The following NCOR2 variants were observed in gnomAD, a reference collection of about 807,000 sequenced individuals.
The protein encoded by NCOR2 is CTG repeat protein 26.
A neutral mutation model predicts 262.9 loss-of-function variants in NCOR2; 81 were observed. The ratio of observed to expected loss-of-function variants is 0.31; its 90% confidence interval spans 0.26 to 0.37. NCOR2 has a LOEUF of 0.37. Among genes scored for constraint, NCOR2 ranks in the 10% least tolerant of loss-of-function variants. The pLI, the probability that NCOR2 is intolerant of heterozygous loss-of-function variation, is 1.00. For missense variants in NCOR2, 3,385 were observed against 3,621.4 expected (o/e 0.93, Z 1.68); for synonymous variants, 1,659 against 1,559.3 (o/e 1.06, Z -1.51).
intron 28 of NCOR2, chr12:124,349,068 G>C (rs1272801047): frequency 2.0e-5 from 3 of 152,370 alleles, no homozygotes; most frequent in Non-Finnish European, 2.9e-5. Context: ...GTGCATGTGA[G>C]TGTCCGACCA....
At chr12:124,393,583 T>C (rs975600256) in intron 16 of NCOR2, among the ~76,000 whole-genome samples, 2 of 152,192 alleles carry the variant, frequency 1.3e-5, no homozygotes, top group African/African-American at 2.4e-5. Flanking sequence ...CCTTTGCACA[T>C]GCCTGTCCTG....
At chr12:124,448,041 T>C (rs888376429) in intron 7 of NCOR2, among the ~76,000 whole-genome samples, 1 of 152,260 alleles carries the variant, frequency 6.6e-6, no homozygotes, top group African/African-American at 2.4e-5. Flanking sequence ...CTGTCTCCAC[T>C]GCTAGACAAA....
Position 124,347,744 on chromosome 12 carries a change from C to A in NCOR2, c.4072+81G>T. 9 of 1,410,180 alleles carry A rather than the reference C, an allele frequency of 6.4e-6. No individual in the cohort carries two copies. The South Asian group carries it at 7.6e-5, about 12-fold the overall frequency. The allele number at this position is 1,410,180 out of a possible 1,614,324, so 87.4% of individuals were successfully genotyped here. A position where few individuals can be genotyped will look rare whatever the true frequency, so the allele number is the denominator to read the frequency against. ...ACTTGTCCTGAGTTCCCACCACACT[C>A]TGGCTGTGTCTCTCCCTCCCGCGCC... On this transcript the variant is annotated intron_variant, in intron 30 of 46. Transcript: ENST00000405201.
intron 3 of NCOR2, among the ~76,000 whole-genome samples, chr12:124,474,633 A>G (rs1378970883): frequency 6.6e-6 from 1 of 152,206 alleles, no homozygotes; most frequent in Admixed American, 6.5e-5. Flanking sequence ...CCAGCAGGTC[A>G]TTCAACTGCT....
At position 124,531,193 on chromosome 12, in the gene NCOR2, C is replaced by G. The variant is rs871548; in HGVS notation, c.-118+4372G>C. Among the ~76,000 whole-genome samples, 116,565 of 152,102 alleles carry G rather than the reference C, an allele frequency of 0.77. 45,217 individuals are homozygous for G. Among genetic ancestry groups the G allele is most frequent in the East Asian group, 1 (5,161 of 5,170 alleles). ...GCATCCACCAACTCATGCTGAACAA[C>G]AGTCCAGCCAGAGCCCACCCGTTTA... On this transcript the variant is annotated intron_variant, in intron 1 of 46. Transcript: ENST00000404621. The surrounding 1 kb of genome is among the most constrained non-coding windows in gnomAD (Gnocchi z 4.5).
intron 11 of NCOR2, among the ~76,000 whole-genome samples, chr12:124,424,276 G>C (rs534297365): frequency 6.6e-6 from 1 of 151,958 alleles, no homozygotes; most frequent in Non-Finnish European, 1.5e-5. Context: ...AATCTCAAAC[G>C]CAACAGTAAT....
At chr12:124,394,354 G>A (rs557817974) in intron 16 of NCOR2, among the ~76,000 whole-genome samples, 1 of 152,322 alleles carries the variant, frequency 6.6e-6, no homozygotes, top group South Asian at 2.1e-4. Flanking sequence ...AAAGTGATGG[G>A]GAGGTCGGTA....
chr12:124,420,482 T>C (rs941357399), intron 12 of NCOR2, among the ~76,000 whole-genome samples: 16 of 152,128 alleles, frequency 1.1e-4, no homozygotes, highest in Non-Finnish European at 7.4e-5. Flanking sequence ...GGTTCTCTTT[T>C]CCCTGGCTTC....
At position 124,389,350 on chromosome 12, in the gene NCOR2, C is replaced by T. The variant is rs953664009; in HGVS notation, c.1877-3463G>A. ...AATGTGACCTCCAGACGGAGGCTCGCGGCGGGCGGGCAGGCGGGCGGGGGA... is the reference window on the plus strand; with the variant it reads ...AATGTGACCTCCAGACGGAGGCTCGTGGCGGGCGGGCAGGCGGGCGGGGGA... On this transcript the variant is annotated intron_variant, in intron 16 of 46. Coordinates refer to ENST00000405201, the Ensembl canonical transcript of NCOR2. This position sits in a 1 kb window ranked among gnomAD's most constrained non-coding sequence, Gnocchi z 4.4. Among the ~76,000 whole-genome samples the T allele has an allele frequency of 1.3e-5, 2 of 151,984 alleles. No homozygotes were observed. Among genetic ancestry groups the T allele is most frequent in the Non-Finnish European group, 2.9e-5 (2 of 67,976 alleles).
chr12:124,395,732 G>C (rs929992340), intron 16 of NCOR2, among the ~76,000 whole-genome samples: 1 of 152,198 alleles, frequency 6.6e-6, no homozygotes, highest in African/African-American at 2.4e-5. Context: ...AGGTGGTAGT[G>C]ACAACACGAG....
intron 1 of NCOR2, among the ~76,000 whole-genome samples, chr12:124,527,830 G>T (rs1189978985): frequency 6.6e-6 from 1 of 152,206 alleles, no homozygotes; most frequent in Admixed American, 6.5e-5. Context: ...AGCTCCAGTA[G>T]GTTTACAAAC....
chr12:124,363,686 G>T, exon 21 of NCOR2: 1 of 1,391,464 alleles, frequency 7.2e-7, no homozygotes, highest in Non-Finnish European at 9.4e-7. Context: ...CACGATGGGG[G>T]GGATGGCAGC....
chr12:124,428,586 C>T (rs1254270434), intron 10 of NCOR2, among the ~76,000 whole-genome samples: 3 of 152,292 alleles, frequency 2.0e-5, no homozygotes, highest in African/African-American at 4.8e-5. Flanking sequence ...CGCAGGGCAG[C>T]GCGTTCTGTT....
At chr12:124,554,934 G>A (rs548894559) in intron 1 of NCOR2, among the ~76,000 whole-genome samples, 14 of 152,372 alleles carry the variant, frequency 9.2e-5, no homozygotes, top group African/African-American at 2.2e-4. Context: ...GGGCAGAGAC[G>A]TGGGCTTTGA....
At chr12:124,430,583 C>G in intron 9 of NCOR2, 32 bp downstream of exon 11, 1 of 1,579,574 alleles carries the variant, frequency 6.3e-7, no homozygotes, top group Non-Finnish European at 8.6e-7. Flanking sequence ...CGGGCCCTGA[C>G]GTCGGGGGCC....
Position 124,330,470 on chromosome 12 carries a change from G to A in NCOR2, c.6958+375C>T, listed in dbSNP as rs548735114. ...GAATGAAGCTCTAGCTATAACAAAC[G>A]CCCGAGTGAACTCGGAGGCTTGTGC... On this transcript the variant is annotated intron_variant, in intron 44 of 46. Coordinates refer to ENST00000405201, the Ensembl canonical transcript of NCOR2. 2.6e-5 allele frequency among the ~76,000 whole-genome samples: 4 copies of A among 152,336 alleles called. 1 individual carries two copies. The highest frequency in any genetic ancestry group is 9.6e-5 in the African/African-American group (4 of 41,584).
At chr12:124,542,430 C>G (rs1405859452) in intron 1 of NCOR2, 1 of 152,480 alleles carries the variant, frequency 6.6e-6, no homozygotes, top group Non-Finnish European at 1.5e-5. Context: ...CCCACAGGGC[C>G]CACAGAGATG....
intron 5 of NCOR2, among the ~76,000 whole-genome samples, chr12:124,459,603 T>C (rs1350693325): frequency 2.0e-5 from 3 of 152,054 alleles, no homozygotes; most frequent in Non-Finnish European, 4.4e-5. Flanking sequence ...ACGGCCACAC[T>C]CACCCAGGGT....
At chr12:124,552,563 C>T (rs1280534156) in intron 1 of NCOR2, among the ~76,000 whole-genome samples, 3 of 152,226 alleles carry the variant, frequency 2.0e-5, no homozygotes, top group Non-Finnish European at 4.4e-5. Flanking sequence ...ACATCACCCA[C>T]GGCCCTGTTC....
Sources: gnomAD v4.1 joint callset for allele counts (sites outside exome capture counted in the v4.1 genomes callset) on GRCh38, gnomAD v4.1.1 for gene constraint, Gnocchi (gnomAD v3.1) non-coding constraint, MANE v1.5 for transcripts, NCBI Gene and HGNC (gene_info 2026-07-23, HGNC 2026-07-21) for gene names.